Variants in CDK14 observed in about 807,000 individuals in gnomAD.
CDK14 encodes the protein cyclin-dependent kinase 14.
A neutral mutation model predicts 60.7 loss-of-function variants in CDK14; 34 were observed. The observed-to-expected ratio is 0.56, with a 90% CI of 0.43 to 0.75. The LOEUF (loss-of-function observed/expected upper bound fraction) is 0.75, where lower values mean the gene tolerates loss of function less well. Ranked by LOEUF, CDK14 falls within the 30% of genes least tolerant of loss-of-function variation. The pLI is 0.00. For synonymous variants in CDK14, 197 were observed against 203.7 expected, an observed-to-expected ratio of 0.97 and a Z score of 0.28; for missense variants, 482 against 564.1, an observed-to-expected ratio of 0.85 and a Z score of 1.47.
chr7:91,185,323 GCCCCTATGCATCTCCTTTTCCAAAACT>G (rs1383585336), intron 14 of CDK14, among the ~76,000 whole-genome samples: 1 of 56,712 alleles, frequency 1.8e-5, no homozygotes, highest in Non-Finnish European at 6.3e-5. Context: ...TTGGTCGATA[GCCCCTATGCATCTCCTTTTCCAAAACT>G]TCTATTTTTA....
intron 12 of CDK14, 148 bp downstream of exon 12, chr7:91,079,628 T>C: frequency 1.4e-6 from 1 of 697,972 alleles, no homozygotes; most frequent in Non-Finnish European, 2.6e-6. Flanking sequence ...AAACCTTAAC[T>C]GTGTGCTAGC....
chr7:90,681,154 G>C (rs1801307402), intron 2 of CDK14, among the ~76,000 whole-genome samples: 1 of 152,074 alleles, frequency 6.6e-6, no homozygotes, highest in Non-Finnish European at 1.5e-5. Context: ...CTTTAATTTA[G>C]ACTTAACTAC....
At chr7:90,979,462 C>T (rs980885494) in intron 9 of CDK14, 1 of 152,174 alleles carries the variant, frequency 6.6e-6, no homozygotes, top group Non-Finnish European at 1.5e-5. Context: ...CCTTCCTAAC[C>T]CTACACTCTG....
intron 12 of CDK14, among the ~76,000 whole-genome samples, chr7:91,082,241 A>G (rs1284936643): frequency 6.6e-6 from 1 of 152,248 alleles, no homozygotes; most frequent in Non-Finnish European, 1.5e-5. Flanking sequence ...GATTCCAGGA[A>G]CACATTTGCT....
intron 11 of CDK14, among the ~76,000 whole-genome samples, chr7:91,066,047 G>A (rs926588489): frequency 3.3e-5 from 5 of 152,072 alleles, no homozygotes; most frequent in Non-Finnish European, 5.9e-5. Flanking sequence ...GTGTGGCCAC[G>A]GCTTTTTGCT....
rs75146794 is a variant in CDK14 at position 90,775,115 on chromosome 7, G to A, written c.465-15458G>A. 9.9e-3 allele frequency among the ~76,000 whole-genome samples: 1,512 copies of A among 152,176 alleles called. 23 individuals carry two copies. Among genetic ancestry groups the A allele is most frequent in the African/African-American group, 0.033 (1,385 of 41,482 alleles). On this transcript the variant is annotated intron_variant, in intron 4 of 14. Transcript: ENST00000380050. ...TATGCCTCTGTTAGAGAAAGAGGGG[G>A]CATTTATGACTCTGCTCAAGAAACA...
chr7:90,912,592 G>GT (rs1219168175), intron 7 of CDK14, among the ~76,000 whole-genome samples: 1 of 151,982 alleles, frequency 6.6e-6, no homozygotes. Flanking sequence ...TTTGTTGGGG[G>GT]TTTTTTGTTT....
chr7:90,816,698 A>T (rs1789370395), intron 5 of CDK14, among the ~76,000 whole-genome samples: 1 of 152,202 alleles, frequency 6.6e-6, no homozygotes, highest in Admixed American at 6.5e-5. Context: ...TTTGAGGTTG[A>T]TAGGACTACG....
chr7:91,101,796 C>G (rs1799152385), intron 12 of CDK14, among the ~76,000 whole-genome samples: 2 of 152,122 alleles, frequency 1.3e-5, no homozygotes, highest in African/African-American at 4.8e-5. Flanking sequence ...CACTCATGTT[C>G]TGCTTGACCA....
chr7:90,983,683 A>AT, intron 9 of CDK14, among the ~76,000 whole-genome samples: 1 of 151,810 alleles, frequency 6.6e-6, no homozygotes, highest in East Asian at 1.9e-4. Flanking sequence ...CCATCTCAAA[A>AT]AAAAAAAAAA....
At chr7:91,072,546 A>G (rs1798182669) in intron 11 of CDK14, among the ~76,000 whole-genome samples, 1 of 152,218 alleles carries the variant, frequency 6.6e-6, no homozygotes, top group Admixed American at 6.5e-5. Context: ...GATTGACACT[A>G]GACAAACTCA....
chr7:90,691,797 T>G (rs2116587662), intron 2 of CDK14, among the ~76,000 whole-genome samples: 1 of 152,288 alleles, frequency 6.6e-6, no homozygotes, highest in Non-Finnish European at 1.5e-5. Context: ...AATGGTTGGA[T>G]TTTTAATTCA....
chr7:90,943,656 A>G (rs946284828), intron 8 of CDK14, among the ~76,000 whole-genome samples: 1 of 152,210 alleles, frequency 6.6e-6, no homozygotes, highest in Non-Finnish European at 1.5e-5. Flanking sequence ...TCATAAACAT[A>G]TTAAAGTATT....
chr7:90,675,691 T>C (rs1801184415), intron 2 of CDK14, among the ~76,000 whole-genome samples: 1 of 152,230 alleles, frequency 6.6e-6, no homozygotes, highest in Non-Finnish European at 1.5e-5. Context: ...ACAAATGGGC[T>C]GCTTTCTAAA....
intron 5 of CDK14, among the ~76,000 whole-genome samples, chr7:90,828,040 T>C (rs1024401928): frequency 6.6e-6 from 1 of 152,244 alleles, no homozygotes; most frequent in African/African-American, 2.4e-5. Flanking sequence ...GTCTTAAACG[T>C]AATACTTTAT....
chr7:90,708,515 A>AAAGTTT (rs1321179172), intron 2 of CDK14, among the ~76,000 whole-genome samples: 1 of 152,208 alleles, frequency 6.6e-6, no homozygotes, highest in Non-Finnish European at 1.5e-5. Flanking sequence ...TAACTTTTTA[A>AAAGTTT]AAAGATTTTA....
intron 2 of CDK14, among the ~76,000 whole-genome samples, chr7:90,606,581 G>A (rs965342807): frequency 3.9e-5 from 6 of 152,198 alleles, no homozygotes; most frequent in Non-Finnish European, 7.3e-5. Context: ...GCTATGAGGA[G>A]AGTTAATTTC....
intron 3 of CDK14, among the ~76,000 whole-genome samples, chr7:90,731,638 G>GT (rs1802870099): frequency 1.3e-5 from 2 of 152,056 alleles, no homozygotes; most frequent in Admixed American, 1.3e-4. Flanking sequence ...TTGGCTGTCT[G>GT]TTTGTCTGTT....
At chr7:91,008,051 G>A (rs1375841119) in intron 10 of CDK14, among the ~76,000 whole-genome samples, 2 of 144,158 alleles carry the variant, frequency 1.4e-5, no homozygotes, top group Admixed American at 7.2e-5. Flanking sequence ...TCCAGTATTG[G>A]ATTAGGATTG....
Sources: allele counts gnomAD v4.1 joint callset (sites outside exome capture counted in the v4.1 genomes callset), GRCh38; gene constraint gnomAD v4.1.1; transcripts MANE v1.5; gene names NCBI Gene and HGNC (gene_info 2026-07-23, HGNC 2026-07-21).